Variants in HUNK observed in about 807,000 individuals in gnomAD.
HUNK encodes hormonally up-regulated neu tumor-associated kinase.
HUNK carries 21 observed loss-of-function variants against 61.0 expected under a neutral mutation model. That is an observed-to-expected ratio of 0.34 (90% CI 0.24 to 0.50). The LOEUF (loss-of-function observed/expected upper bound fraction) is 0.50, where lower values mean the gene tolerates loss of function less well. HUNK is among the 20% of genes least tolerant of loss of function. HUNK has a pLI of 0.98. For missense variants in HUNK, 772 were observed against 945.7 expected (o/e 0.82, Z 2.41); for synonymous variants, 371 against 386.1 (o/e 0.96, Z 0.46).
intron 1 of HUNK, among the ~76,000 whole-genome samples, chr21:31,879,553 C>T (rs1189248637): frequency 6.6e-6 from 1 of 152,154 alleles, no homozygotes; most frequent in African/African-American, 2.4e-5. Context: ...AAACGGTGCC[C>T]ACGGAGAGGA....
chr21:31,932,121 G>A (rs1195951038), intron 2 of HUNK, among the ~76,000 whole-genome samples: 5 of 152,194 alleles, frequency 3.3e-5, no homozygotes, highest in Non-Finnish European at 7.3e-5. Context: ...ATAGTCACAT[G>A]AACATGTGCT....
At chr21:31,958,498 G>C (rs1382025236) in intron 4 of HUNK, among the ~76,000 whole-genome samples, 2 of 151,912 alleles carry the variant, frequency 1.3e-5, no homozygotes, top group African/African-American at 4.8e-5. Context: ...GGGTGCCAGG[G>C]TGTGCGGGGG....
chr21:31,880,806 G>A (rs2052301235), intron 1 of HUNK, among the ~76,000 whole-genome samples: 1 of 152,210 alleles, frequency 6.6e-6, no homozygotes, highest in Non-Finnish European at 1.5e-5. Flanking sequence ...TTGGGAAGGA[G>A]ATGAATGTGC....
At chr21:31,986,692 G>A (rs561221011) in intron 8 of HUNK, among the ~76,000 whole-genome samples, 2 of 152,018 alleles carry the variant, frequency 1.3e-5, no homozygotes, top group Non-Finnish European at 2.9e-5. Context: ...CACAGCCTTC[G>A]GGCTTGCTGT....
rs138234334 is a variant in HUNK, at chr21:31,940,828, G to T, written c.610+608G>T. 2.8e-3 allele frequency among the ~76,000 whole-genome samples: 419 copies of T among 152,236 alleles called. 4 individuals carry two copies. Among genetic ancestry groups the T allele is most frequent in the African/African-American group, 9.5e-3 (396 of 41,534 alleles). On this transcript the variant is annotated intron_variant, in intron 3 of 10. Transcript: ENST00000270112. ...TATTTTCTCCCTCTGTGGTCGCTCTGGGCAGAATTCAGGGCATCATTTTTA... is the reference window on the plus strand; with the variant it reads ...TATTTTCTCCCTCTGTGGTCGCTCTTGGCAGAATTCAGGGCATCATTTTTA...
At chr21:31,909,037 C>T (rs2052527961) in intron 1 of HUNK, among the ~76,000 whole-genome samples, 3 of 152,166 alleles carry the variant, frequency 2.0e-5, no homozygotes, top group African/African-American at 4.8e-5. Flanking sequence ...TTTAACAATA[C>T]TCATCTCCCC....
chr21:31,879,910 T>C (rs1003925519), intron 1 of HUNK, among the ~76,000 whole-genome samples: 1 of 152,192 alleles, frequency 6.6e-6, no homozygotes, highest in African/African-American at 2.4e-5. Context: ...CCAGGCCTTA[T>C]GTTAGCTGAT....
chr21:31,922,831 C>G (rs1013256155), intron 1 of HUNK, among the ~76,000 whole-genome samples: 1 of 152,126 alleles, frequency 6.6e-6, no homozygotes, highest in African/African-American at 2.4e-5. Flanking sequence ...TGGCATATTG[C>G]ATATAATGCA....
intron 2 of HUNK, among the ~76,000 whole-genome samples, chr21:31,925,122 T>C (rs2052651289): frequency 6.6e-6 from 1 of 152,108 alleles, no homozygotes; most frequent in Non-Finnish European, 1.5e-5. Context: ...TGGGAATTTT[T>C]CTGTATTTTT....
At chr21:31,983,728 C>A (rs534329773) in intron 8 of HUNK, 119 bp downstream of exon 8, 1 of 701,948 alleles carries the variant, frequency 1.4e-6, no homozygotes, top group Non-Finnish European at 2.5e-6. Context: ...CACATACTTA[C>A]GCTCATAACT....
At chr21:31,969,289 CCTT>C (rs2052993447) in intron 6 of HUNK, among the ~76,000 whole-genome samples, 1 of 152,158 alleles carries the variant, frequency 6.6e-6, no homozygotes, top group Non-Finnish European at 1.5e-5. Context: ...CCCTTAGATG[CCTT>C]CTTCTGCCTT....
Position 31,992,606 on chromosome 21 carries a change from C to T in HUNK, c.1305+2430C>T, listed in dbSNP as rs950984423. On this transcript the variant is annotated intron_variant, in intron 9 of 10. Transcript: ENST00000270112. ...CCTCAAGTCTATGTGGGTGCTGGAG[C>T]GCATCGGAGGGAAGCCAGGAGTCTC... Among the ~76,000 whole-genome samples, 7 of 152,252 alleles carry T rather than the reference C, an allele frequency of 4.6e-5. No individual in the cohort carries two copies. In the East Asian group the frequency reaches 5.8e-4, roughly 13 times the overall value.
At chr21:31,942,940 G>A (rs1393757807) in intron 3 of HUNK, among the ~76,000 whole-genome samples, 8 of 152,112 alleles carry the variant, frequency 5.3e-5, no homozygotes, top group African/African-American at 2.4e-5. Flanking sequence ...CCGCATTTCC[G>A]GAAGGCATGG....
chr21:31,988,087 C>T (rs75423607), intron 8 of HUNK, among the ~76,000 whole-genome samples: 7,647 of 152,252 alleles, frequency 0.05, 235 homozygotes, highest in South Asian at 0.094. Context: ...TTGGGGTAAC[C>T]GTGCAGTGAT....
chr21:31,905,422 G>A (rs1405268508), intron 1 of HUNK, among the ~76,000 whole-genome samples: 2 of 152,146 alleles, frequency 1.3e-5, no homozygotes, highest in Non-Finnish European at 2.9e-5. Context: ...AACACACTGG[G>A]AGATAGTAAT....
At chr21:31,915,522 A>T (rs2052575904) in intron 1 of HUNK, among the ~76,000 whole-genome samples, 1 of 152,178 alleles carries the variant, frequency 6.6e-6, no homozygotes, top group South Asian at 2.1e-4. Context: ...ACATATGTAT[A>T]TTTCTGCGAT....
rs149385641 is a variant in HUNK at position 31,949,926 on chromosome 21, C to T, written c.746+3755C>T. On this transcript the variant is annotated intron_variant, in intron 4 of 10. Transcript: ENST00000270112. ...TGACTCATCCTATCTGCCTAACAAC[C>T]CTTCAAGGTAGTGCTGTATTACTCC... Among the ~76,000 whole-genome samples, 386 of 152,234 alleles carry T rather than the reference C, an allele frequency of 2.5e-3. 3 individuals carry two copies. Among genetic ancestry groups the T allele is most frequent in the African/African-American group, 8.8e-3 (365 of 41,540 alleles).
At chr21:31,989,713 C>CAAAAAA (rs758563763) in intron 8 of HUNK, among the ~76,000 whole-genome samples, 1 of 80,312 alleles carries the variant, frequency 1.2e-5, no homozygotes, top group South Asian at 5.0e-4. Flanking sequence ...GACTCGGTCT[C>CAAAAAA]AAAAAAAAAA....
intron 4 of HUNK, among the ~76,000 whole-genome samples, chr21:31,952,670 T>C (rs887523518): frequency 5.3e-5 from 8 of 152,188 alleles, no homozygotes; most frequent in Admixed American, 3.9e-4. Flanking sequence ...CTCCAAGCTT[T>C]CCCGTTTGTA....
Sources: gnomAD v4.1 joint callset for allele counts (sites outside exome capture counted in the v4.1 genomes callset) on GRCh38, gnomAD v4.1.1 for gene constraint, MANE v1.5 for transcripts, NCBI Gene and HGNC (gene_info 2026-07-23, HGNC 2026-07-21) for gene names.